Variants in EXD1 observed in about 807,000 individuals in gnomAD.
EXD1 encodes exonuclease 3'-5' domain containing 1.
A neutral mutation model predicts 49.1 loss-of-function variants in EXD1; 63 were observed. That is an observed-to-expected ratio of 1.28 (90% confidence interval 1.05 to 1.58). EXD1 has a LOEUF of 1.58. Ranked by LOEUF, EXD1 falls within the 40% of genes most tolerant of loss-of-function variation. The pLI is 0.00. For missense variants in EXD1, 748 were observed against 666.0 expected (o/e 1.12, Z -1.36); for synonymous variants, 234 against 239.2 (o/e 0.98, Z 0.20).
intron 7 of EXD1, among the ~76,000 whole-genome samples, chr15:41,202,649 T>G (rs1458170433): frequency 6.6e-6 from 1 of 152,124 alleles, no homozygotes; most frequent in East Asian, 1.9e-4. Context: ...TTGTTTTTTG[T>G]AGAGACGGGG....
intron 9 of EXD1, chr15:41,192,103 G>T (rs908228680): frequency 3.4e-4 from 52 of 153,780 alleles, no homozygotes; most frequent in Admixed American, 7.1e-4. Context: ...AGGCAACCTG[G>T]TGGTTCTCCC....
chr15:41,226,636 A>AT lies in EXD1; in HGVS notation c.-53-9dup. 6.8e-7 allele frequency: 1 copy of AT among 1,480,170 alleles called. No homozygotes were observed. Among genetic ancestry groups the AT allele is most frequent in the Non-Finnish European group, 8.9e-7 (1 of 1,121,490 alleles). The allele number at this position is 1,480,170 out of a possible 1,614,324, so 91.7% of individuals were successfully genotyped here. A position where few individuals can be genotyped will look rare whatever the true frequency, so the allele number is the denominator to read the frequency against. Reference sequence around the variant, plus strand: ...TCTTTAAGCATCCAAACACTTGAAAATTAATAAAGAGATCTATGAATTTTA... The same window carrying AT: ...TCTTTAAGCATCCAAACACTTGAAAATTTAATAAAGAGATCTATGAATTTTA... On this transcript the variant is annotated splice_polypyrimidine_tract_variant and intron_variant, in intron 1 of 11. Transcript: ENST00000458580.
At chr15:41,191,248 G>A (rs888281503) in intron 10 of EXD1, among the ~76,000 whole-genome samples, 194 bp downstream of exon 10, 1 of 151,894 alleles carries the variant, frequency 6.6e-6, no homozygotes, top group Non-Finnish European at 1.5e-5. Context: ...TTAATTAATA[G>A]CTAACAAATC....
At chr15:41,208,751 A>AAAT (rs1158554061) in intron 7 of EXD1, among the ~76,000 whole-genome samples, 3 of 151,876 alleles carry the variant, frequency 2.0e-5, no homozygotes, top group African/African-American at 7.3e-5. Context: ...CTTTGTCTCA[A>AAAT]AATAATAATA....
Position 41,184,511 on chromosome 15 carries a change from T to A in EXD1, c.1139A>T (p.Tyr380Phe), listed in dbSNP as rs576612217. 1.2e-6 allele frequency: 2 copies of A among 1,613,706 alleles called. No individual in the cohort carries two copies. Among genetic ancestry groups the A allele is most frequent in the Non-Finnish European group, 1.7e-6 (2 of 1,179,966 alleles). The change falls in exon 12 of 12, where the codon TAT (tyrosine) becomes TTT (phenylalanine). Residue 380 changes from tyrosine to phenylalanine, a missense_variant. Physicochemically the swap from Tyr to Phe is conservative, Grantham distance 22. Coordinates refer to ENST00000458580, the MANE Select transcript of EXD1 (RefSeq NM_001286441.2). ...KQRREKAARE[Y>F]RVNAQGLLIR... The stretch of plus-strand genomic sequence containing the variant: ...CAGGAGTCCCTGTGCATTCACCCTA[T>A]ATTCTCTTGCAGCTTTCTCCCTGCG...
intron 7 of EXD1, among the ~76,000 whole-genome samples, chr15:41,199,808 ATG>A (rs2046696252): frequency 3.5e-5 from 1 of 28,596 alleles, no homozygotes; most frequent in Non-Finnish European, 7.2e-5. Context: ...TATATTATAT[ATG>A]TCATATATAG....
intron 9 of EXD1, among the ~76,000 whole-genome samples, chr15:41,192,507 G>T (rs2046536976): frequency 6.6e-6 from 1 of 150,664 alleles, no homozygotes; most frequent in African/African-American, 2.5e-5. Context: ...ATGTTGGCCA[G>T]GATAGTCTCG....
intron 2 of EXD1, among the ~76,000 whole-genome samples, chr15:41,223,081 C>T (rs2047114233): frequency 6.6e-6 from 1 of 151,678 alleles, no homozygotes; most frequent in South Asian, 2.1e-4. Flanking sequence ...CTCCGAATAG[C>T]TGAGACTACA....
At chr15:41,208,365 C>T (rs1232825457) in intron 7 of EXD1, among the ~76,000 whole-genome samples, 3 of 110,598 alleles carry the variant, frequency 2.7e-5, no homozygotes, top group Admixed American at 1.0e-4. Flanking sequence ...GAGAACTCAT[C>T]TCTGAAAAAA....
chr15:41,228,042 CTCTG>C (rs2047189718), intron 1 of EXD1, among the ~76,000 whole-genome samples: 1 of 152,184 alleles, frequency 6.6e-6, no homozygotes. Context: ...AAGAGTGAAA[CTCTG>C]TCTCAAAAAA....
intron 7 of EXD1, among the ~76,000 whole-genome samples, chr15:41,203,579 C>T (rs1397970964): frequency 2.6e-5 from 4 of 151,986 alleles, no homozygotes; most frequent in South Asian, 2.1e-4. Context: ...TCCCTGAAGG[C>T]GATCACGGAA....
At chr15:41,197,320 C>T (rs563128384) in intron 7 of EXD1, among the ~76,000 whole-genome samples, 4 of 151,568 alleles carry the variant, frequency 2.6e-5, no homozygotes, top group East Asian at 1.9e-4. Context: ...CTCTGCTGTC[C>T]GGGTTCTCGC....
At chr15:41,210,900 G>A (rs577437683) in intron 6 of EXD1, among the ~76,000 whole-genome samples, 2 of 152,214 alleles carry the variant, frequency 1.3e-5, no homozygotes, top group South Asian at 2.1e-4. Context: ...AGCATAAAGT[G>A]TTCTCAATTC....
intron 9 of EXD1, among the ~76,000 whole-genome samples, chr15:41,192,530 C>T (rs1264735605): frequency 2.7e-5 from 4 of 148,998 alleles, no homozygotes; most frequent in South Asian, 4.3e-4. Flanking sequence ...CTCTTGACCT[C>T]GTGATCCGCC....
At position 41,190,061 on chromosome 15, in the gene EXD1, GC is replaced by G; in HGVS notation, c.931del (p.Ala311LeufsTer12). ...CAAGCGAAGGGGTAACAGGTAGGTA[GC>G]TTCCAGGGCCAAAATTTTCAGTAAA... ...PSLLKILALE[A>X]TYLLPLRLAL... On this transcript the variant is annotated frameshift_variant, in exon 11 of 12. Coordinates refer to ENST00000458580, the MANE Select transcript of EXD1 (RefSeq NM_001286441.2). LOFTEE classifies it high-confidence loss of function. 8 of 1,614,216 alleles carry G rather than the reference GC, an allele frequency of 5.0e-6. No homozygotes were observed. Among genetic ancestry groups the G allele is most frequent in the Non-Finnish European group, 6.8e-6 (8 of 1,180,036 alleles).
chr15:41,209,653 T>A, intron 6 of EXD1, 66 bp from the exon 7 acceptor site: 1 of 1,333,344 alleles, frequency 7.5e-7, no homozygotes, highest in Non-Finnish European at 1.1e-6. Flanking sequence ...AACATCATGA[T>A]TGGCACAAAT....
At chr15:41,184,871 T>C (rs2046384313) in intron 11 of EXD1, among the ~76,000 whole-genome samples, 1 of 152,060 alleles carries the variant, frequency 6.6e-6, no homozygotes, top group Non-Finnish European at 1.5e-5. Context: ...TTAGCCAAGA[T>C]GGTCTCGATC....
rs180786289 is a variant in EXD1 at position 41,216,588 on chromosome 15, G to A, written c.388+80C>T. ...GGAGGTTGCAGTGAGCCGAGATCAC[G>A]CCATTGCACTGCAGCCTGGGCAACA... On this transcript the variant is annotated intron_variant, in intron 5 of 11. Transcript: ENST00000458580. 2.5e-5 allele frequency: 35 copies of A among 1,412,384 alleles called. No individual in the cohort carries two copies. In the East Asian group the frequency reaches 6.5e-4, roughly 26 times the overall value. 87.5% of individuals were successfully genotyped at this position (1,412,384 alleles called of 1,614,324 possible).
chr15:41,195,699 T>A, intron 9 of EXD1, 76 bp downstream of exon 9: 9 of 1,047,412 alleles, frequency 8.6e-6, no homozygotes, highest in Non-Finnish European at 9.3e-6. Flanking sequence ...CTTTCACTCA[T>A]CAGATGACCA....
Sources: gnomAD v4.1 joint callset for allele counts (sites outside exome capture counted in the v4.1 genomes callset) on GRCh38, gnomAD v4.1.1 for gene constraint, MANE v1.5 for transcripts, NCBI Gene and HGNC (gene_info 2026-07-23, HGNC 2026-07-21) for gene names.